CCDC47: variants seen among roughly 807,000 people sequenced by gnomAD.
CCDC47 encodes coiled-coil domain containing 47.
CCDC47 carries 41 observed loss-of-function variants against 60.5 expected under a neutral mutation model. The observed-to-expected ratio is 0.68, with a 90% CI of 0.53 to 0.88. The LOEUF (loss-of-function observed/expected upper bound fraction) is 0.88, where lower values mean the gene tolerates loss of function less well. Ranked by LOEUF, CCDC47 falls within the 40% of genes least tolerant of loss-of-function variation. CCDC47 has a pLI of 0.00. For missense variants in CCDC47, 513 were observed against 580.9 expected (o/e 0.88, Z 1.20); for synonymous variants, 195 against 190.7 (o/e 1.02, Z -0.18).
At chr17:63,755,253 C>G (rs1339525829) in intron 8 of CCDC47, 1 of 979,652 alleles carries the variant, frequency 1.0e-6, no homozygotes, top group Non-Finnish European at 1.2e-6. Flanking sequence ...AAGTGTGAAC[C>G]ACAGCGCGCG....
intron 1 of CCDC47, among the ~76,000 whole-genome samples, chr17:63,772,315 A>ACGATCT (rs1200520434): frequency 9.2e-5 from 12 of 130,874 alleles, no homozygotes; most frequent in African/African-American, 3.6e-4. Context: ...GTGCAGTGGC[A>ACGATCT]CGATCTCGGC....
Position 63,764,038 on chromosome 17 carries a change from C to G in CCDC47, c.525G>C (p.Leu175Phe). The change falls in exon 4 of 13, where the codon TTG becomes TTC. Residue 175 changes from leucine (L) to phenylalanine (F), a missense_variant. Physicochemically the swap from Leu to Phe is conservative, Grantham distance 22 (BLOSUM62 0). Transcript: ENST00000225726. ...QAWFNTHREL[L>F]ESNFTLVGDD... ...TACCCACTAAAGTAAAGTTGCTCTC[C>G]AAAAGCTCCCTATGAGTGTTAAACC... The G allele has an allele frequency of 6.3e-7, 1 of 1,592,578 alleles. No individual in the cohort carries two copies. Among genetic ancestry groups the G allele is most frequent in the Non-Finnish European group, 8.5e-7 (1 of 1,174,076 alleles).
chr17:63,749,199 G>C (rs2039143398), intron 12 of CCDC47, among the ~76,000 whole-genome samples: 1 of 151,562 alleles, frequency 6.6e-6, no homozygotes, highest in Non-Finnish European at 1.5e-5. Flanking sequence ...CTGAGATCAG[G>C]AGTTCGAGAC....
chr17:63,758,034 C>T (rs2144483440), intron 6 of CCDC47, among the ~76,000 whole-genome samples: 1 of 152,222 alleles, frequency 6.6e-6, no homozygotes, highest in South Asian at 2.1e-4. Flanking sequence ...CTGGTGAACA[C>T]ATCAACCTGC....
chr17:63,751,055 T>A (rs2039160043), intron 12 of CCDC47, among the ~76,000 whole-genome samples: 1 of 151,280 alleles, frequency 6.6e-6, no homozygotes, highest in Non-Finnish European at 1.5e-5. Flanking sequence ...TTTTTTTTTT[T>A]TACTAGTAGA....
chr17:63,762,219 C>T, intron 4 of CCDC47: 1 of 985,384 alleles, frequency 1.0e-6, no homozygotes, highest in Non-Finnish European at 1.2e-6. Context: ...TGCTCAACCT[C>T]ACAAGGGAAA....
At chr17:63,771,045 G>GAAGGAAGAAAGAAAGA (rs759971442) in intron 1 of CCDC47, among the ~76,000 whole-genome samples, 3,163 of 97,546 alleles carry the variant, frequency 0.032, 90 homozygotes, top group African/African-American at 0.047. Context: ...AGGAAGGAAG[G>GAAGGAAGAAAGAAAGA]AAGAAAGAAA....
intron 1 of CCDC47, among the ~76,000 whole-genome samples, chr17:63,769,163 T>A (rs1050909882): frequency 2.7e-5 from 4 of 149,184 alleles, no homozygotes; most frequent in African/African-American, 7.4e-5. Flanking sequence ...GGTGGGAGAA[T>A]CACCTGAGCC....
At position 63,752,433 on chromosome 17, in the gene CCDC47, G is replaced by T. The variant is rs753300975; in HGVS notation, c.1094-4C>A. On this transcript the variant is annotated splice_polypyrimidine_tract_variant and splice_region_variant and intron_variant, in intron 10 of 12. Transcript: ENST00000225726. Reference sequence around the variant, plus strand: ...TAAGTGTTACCTGAGCCAGGCACTGGAAAACAAAGCCATTTTTCCTACTGA... The same window carrying T: ...TAAGTGTTACCTGAGCCAGGCACTGTAAAACAAAGCCATTTTTCCTACTGA... 1.3e-6 allele frequency: 2 copies of T among 1,589,084 alleles called. No individual in the cohort carries two copies. Among genetic ancestry groups the T allele is most frequent in the Middle Eastern group, 1.7e-4 (1 of 5,996 alleles).
At chr17:63,764,911 G>T (rs1299381977) in intron 2 of CCDC47, 64 bp from the exon 3 acceptor site, 2 of 1,557,558 alleles carry the variant, frequency 1.3e-6, no homozygotes, top group African/African-American at 2.8e-5. Context: ...GTCTCATTTT[G>T]TTGGCAACAT....
rs138459809 is a variant in CCDC47, at chr17:63,764,749, C to A, written c.363G>T (p.Thr121=). Residue 121 remains threonine, a synonymous_variant, in exon 3 of 13, where the codon ACG becomes ACT. Transcript: ENST00000225726. ...TSSSKNKDPI[T]IVDVPAHLQN... ...AATCCTGGATACCTACATCAACAAT[C>A]GTTATTGGGTCTTTATTTTTGCTAG... 1,804 of 1,610,840 alleles carry A rather than the reference C, an allele frequency of 1.1e-3. 28 individuals are homozygous for A. The highest frequency in any genetic ancestry group is 7.3e-3 in the South Asian group (660 of 90,308).
intron 1 of CCDC47, among the ~76,000 whole-genome samples, chr17:63,770,463 T>C (rs2144500943): frequency 6.6e-6 from 1 of 152,268 alleles, no homozygotes; most frequent in East Asian, 1.9e-4. Flanking sequence ...GATGAAATCA[T>C]TACTGGCAAC....
chr17:63,753,845 C>T (rs555447217), intron 9 of CCDC47, among the ~76,000 whole-genome samples: 3 of 152,260 alleles, frequency 2.0e-5, no homozygotes, highest in African/African-American at 4.8e-5. Context: ...TGGTGGCTCA[C>T]GCTTATAATT....
At chr17:63,747,676 A>G (rs2039130892) in intron 12 of CCDC47, 8 of 985,268 alleles carry the variant, frequency 8.1e-6, no homozygotes, top group Non-Finnish European at 9.6e-6. Flanking sequence ...CAAACTTCTT[A>G]TTTTTAGGGT....
chr17:63,753,716 C>A (rs1368276678), intron 9 of CCDC47: 2 of 749,126 alleles, frequency 2.7e-6, no homozygotes, highest in Non-Finnish European at 3.3e-6. Context: ...CTTAACTATT[C>A]AAAGAGGGAA....
intron 1 of CCDC47, among the ~76,000 whole-genome samples, chr17:63,769,966 T>C (rs1283606891): frequency 2.0e-5 from 3 of 149,512 alleles, no homozygotes; most frequent in Admixed American, 6.6e-5. Flanking sequence ...TCTTTCTTTT[T>C]TTTTTTTTTT....
At chr17:63,754,085 AAC>A (rs1302304515) in intron 9 of CCDC47, among the ~76,000 whole-genome samples, 3 of 152,194 alleles carry the variant, frequency 2.0e-5, no homozygotes, top group African/African-American at 7.2e-5. Flanking sequence ...CAGCCTAGGC[AAC>A]AGAGTGAGAC....
At chr17:63,752,543 G>T in intron 10 of CCDC47, 114 bp from the exon 11 acceptor site, 1 of 780,876 alleles carries the variant, frequency 1.3e-6, no homozygotes, top group Non-Finnish European at 2.0e-6. Context: ...AGTTTGTTAG[G>T]CAGTTAAAAT....
chr17:63,748,759 G>A (rs544874140), intron 12 of CCDC47, among the ~76,000 whole-genome samples: 3 of 150,940 alleles, frequency 2.0e-5, no homozygotes, highest in Admixed American at 6.6e-5. Context: ...GTGAAACCTC[G>A]CCTACACTTT....
Sources: gnomAD v4.1 joint callset for allele counts (sites outside exome capture counted in the v4.1 genomes callset) on GRCh38, gnomAD v4.1.1 for gene constraint, MANE v1.5 for transcripts, NCBI Gene and HGNC (gene_info 2026-07-23, HGNC 2026-07-21) for gene names.